Variants in BUB1B observed in about 807,000 individuals in gnomAD.
BUB1B encodes mitotic checkpoint serine/threonine-protein kinase BUB1 beta.
In BUB1B, 86 loss-of-function variants were observed where a neutral mutation model predicts 137.7. The ratio of observed to expected loss-of-function variants is 0.62; its 90% CI spans 0.52 to 0.75. The LOEUF is 0.75. BUB1B is among the 30% of genes least tolerant of loss of function. The pLI is 0.00. For synonymous variants in BUB1B, 420 were observed against 417.9 expected (o/e 1.00, Z -0.06); for missense variants, 1,130 against 1,236.9 (o/e 0.91, Z 1.30).
At chr15:40,163,202 C>G (rs1007934854) in intron 1 of BUB1B, among the ~76,000 whole-genome samples, 1 of 152,174 alleles carries the variant, frequency 6.6e-6, no homozygotes, top group African/African-American at 2.4e-5. Flanking sequence ...GAGATGGGCT[C>G]TGGCCACCCT....
At position 40,199,064 on chromosome 15, in the gene BUB1B, G is replaced by T. The variant is rs186085254; in HGVS notation, c.1289-551G>T. ...CACAGTGGTCTTTTCCTGCATTGGG[G>T]CCTTTGTGCCACCTAGTTTGTTAGC... is the stretch of plus-strand genomic sequence containing the variant. On this transcript the variant is annotated intron_variant, in intron 9 of 22. Coordinates refer to ENST00000287598, the MANE Select transcript of BUB1B (RefSeq NM_001211.6). Among the ~76,000 whole-genome samples, 5 of 152,258 alleles carry T rather than the reference G, an allele frequency of 3.3e-5. No homozygotes were observed. The East Asian group carries it at 9.6e-4, about 29-fold the overall frequency.
intron 20 of BUB1B, among the ~76,000 whole-genome samples, chr15:40,214,495 C>T (rs541589736): frequency 6.6e-6 from 1 of 152,276 alleles, no homozygotes; most frequent in Non-Finnish European, 1.5e-5. Context: ...AACCCTGTGT[C>T]TTGGGTGAGG....
In BUB1B at chr15:40,221,088, A is replaced by T. The variant is rs1415251816; in HGVS notation, c.*329A>T. The T allele has an allele frequency of 5.6e-6, 2 of 358,420 alleles. No individual in the cohort carries two copies. Among genetic ancestry groups the T allele is most frequent in the Non-Finnish European group, 1.0e-5 (2 of 194,008 alleles). 22.2% of individuals were successfully genotyped at this position (358,420 alleles called of 1,614,324 possible). A position where few individuals can be genotyped will look rare whatever the true frequency, so the allele number is the denominator to read the frequency against. On this transcript the variant is annotated 3_prime_UTR_variant, in exon 23 of 23. Coordinates refer to ENST00000287598, the MANE Select transcript of BUB1B (RefSeq NM_001211.6). ...TGTAAAATGTTCTCTTATGATCACC[A>T]TGTATTTTGTAAATAATAAAATAGT... is the stretch of plus-strand genomic sequence containing the variant.
intron 22 of BUB1B, among the ~76,000 whole-genome samples, chr15:40,219,453 G>A (rs1381134785): frequency 6.6e-6 from 1 of 151,880 alleles, no homozygotes; most frequent in Non-Finnish European, 1.5e-5. Context: ...CGGGCATGGT[G>A]GCTCACACCT....
chr15:40,217,772 T>C, intron 21 of BUB1B, 105 bp downstream of exon 21: 1 of 1,326,890 alleles, frequency 7.5e-7, no homozygotes, highest in Non-Finnish European at 1.1e-6. Flanking sequence ...ACTCCTAGAA[T>C]AGATGACCTA....
In BUB1B at chr15:40,208,041, G is replaced by A. The variant is rs181036011; in HGVS notation, c.2010-596G>A. Among the ~76,000 whole-genome samples the A allele has an allele frequency of 1.1e-3, 160 of 150,614 alleles. 1 individual carries two copies. The highest frequency in any genetic ancestry group is 0.01 in the Admixed American group (152 of 15,194). On this transcript the variant is annotated intron_variant, in intron 15 of 22. Transcript: ENST00000287598. The stretch of plus-strand genomic sequence containing the variant: ...AGGCTGAGGTGGGAGGATCACTTGA[G>A]CCCAGGAAATCAAGGCTGCAGTGAG...
rs777814938 is a variant in BUB1B, at chr15:40,200,293, C to G, written c.1451C>G (p.Ser484Cys). The G allele has an allele frequency of 5.0e-6, 8 of 1,613,792 alleles. No individual in the cohort carries two copies. The highest frequency in any genetic ancestry group is 3.3e-5 in the Admixed American group (2 of 59,984). Residue 484 changes from serine to cysteine, a missense_variant, in exon 11 of 23, where the codon TCC becomes TGC. Physicochemically the swap from Ser to Cys is moderately radical, Grantham distance 112. Coordinates refer to ENST00000287598, the MANE Select transcript of BUB1B (RefSeq NM_001211.6). The stretch of plus-strand genomic sequence containing the variant: ...GAGACAACTAAACTGCAAATTGCTT[C>G]CGAGTCTCAGAAAATACCAGGAATG... The part of the protein sequence containing the change: ...TKETTKLQIA[S>C]ESQKIPGMTL...
In BUB1B at chr15:40,196,748, G is replaced by T; in HGVS notation, c.1262G>T (p.Arg421Leu). Residue 421 changes from arginine (R) to leucine (L), a missense_variant, in exon 9 of 23, where the codon CGG becomes CTG. Arg to Leu is a moderately radical substitution (Grantham distance 102). Coordinates refer to ENST00000287598, the MANE Select transcript of BUB1B (RefSeq NM_001211.6). ...GAAGAAATTCGGGCTGAAGTTTTCC[G>T]GAAGAAATTAAAAGAGCAAAGGGAA... ...SFEEIRAEVF[R>L]KKLKEQREAE... 6.2e-7 allele frequency: 1 copy of T among 1,613,918 alleles called. No individual in the cohort carries two copies.
At chr15:40,165,310 A>G (rs1396200906) in intron 2 of BUB1B, 114 bp downstream of exon 2, 18 of 1,400,226 alleles carry the variant, frequency 1.3e-5, no homozygotes, top group Non-Finnish European at 1.6e-5. Context: ...AATTGGTAGT[A>G]TGAGAATCTG....
chr15:40,201,114 CA>C, intron 12 of BUB1B, 134 bp downstream of exon 12: 1 of 754,464 alleles, frequency 1.3e-6, no homozygotes, highest in East Asian at 2.8e-5. Flanking sequence ...TTAGTATAAG[CA>C]TATGCTTTAT....
intron 8 of BUB1B, among the ~76,000 whole-genome samples, chr15:40,187,655 T>C (rs913154280): frequency 1.3e-5 from 2 of 152,082 alleles, no homozygotes; most frequent in Admixed American, 1.3e-4. Flanking sequence ...ATGCCTGTAA[T>C]TTCAGCACTT....
intron 8 of BUB1B, among the ~76,000 whole-genome samples, chr15:40,185,946 C>CA (rs1555381926): frequency 6.6e-6 from 1 of 151,836 alleles, no homozygotes; most frequent in African/African-American, 2.4e-5. Context: ...GTTAAAAGAC[C>CA]ATTTGTTAAT....
Position 40,199,745 on chromosome 15 carries a change from A to T in BUB1B, c.1401+18A>T. 6.4e-7 allele frequency: 1 copy of T among 1,559,880 alleles called. No individual in the cohort carries two copies. Among genetic ancestry groups the T allele is most frequent in the African/African-American group, 1.4e-5 (1 of 73,862 alleles). On this transcript the variant is annotated intron_variant, in intron 10 of 22. Coordinates refer to ENST00000287598, the MANE Select transcript of BUB1B (RefSeq NM_001211.6). ...GTGATCAGGTAATTTTTCTTTTTTC[A>T]TACACAAAACTAGAATTTATTGAAA...
At chr15:40,208,587 G>A (rs559870917) in intron 15 of BUB1B, 50 bp from the exon 16 acceptor site, 258 of 1,509,130 alleles carry the variant, frequency 1.7e-4, no homozygotes, top group Non-Finnish European at 2.2e-4. Flanking sequence ...TTATAACAAA[G>A]TTGATATATA....
intron 9 of BUB1B, among the ~76,000 whole-genome samples, 164 bp from the exon 10 acceptor site, chr15:40,199,451 A>G (rs1033307175): frequency 3.3e-5 from 5 of 152,226 alleles, no homozygotes; most frequent in Non-Finnish European, 5.9e-5. Flanking sequence ...TATTGAATGG[A>G]TAAAGAATAG....
rs1054593438 is a variant in BUB1B at position 40,214,703 on chromosome 15, T to C, written c.2678+1229T>C. On this transcript the variant is annotated intron_variant, in intron 20 of 22. Coordinates refer to ENST00000287598, the MANE Select transcript of BUB1B (RefSeq NM_001211.6). ...GAGAATCCCACCTTCTCCCCTGAGATAGCAGAGTCAAAGGCTTTCCCAGAC... is the reference window on the plus strand; with the variant it reads ...GAGAATCCCACCTTCTCCCCTGAGACAGCAGAGTCAAAGGCTTTCCCAGAC... 8.5e-5 allele frequency among the ~76,000 whole-genome samples: 13 copies of C among 152,224 alleles called. No homozygotes were observed. In the East Asian group the frequency reaches 2.3e-3, roughly 27 times the overall value.
chr15:40,200,028 A>G, intron 10 of BUB1B: 2 of 599,242 alleles, frequency 3.3e-6, no homozygotes, highest in East Asian at 2.9e-5. Context: ...GGGATTGCCT[A>G]AAGAAATTTA....
At position 40,185,257 on chromosome 15, in the gene BUB1B, G is replaced by C. The variant is rs769897552; in HGVS notation, c.844G>C (p.Ala282Pro). The C allele has an allele frequency of 6.2e-7, 1 of 1,614,092 alleles. No individual in the cohort carries two copies. Among genetic ancestry groups the C allele is most frequent in the Non-Finnish European group, 8.5e-7 (1 of 1,179,996 alleles). ...TGTTTTTGATGAAAATGCTGATGAG[G>C]CTTCTACAGCAGAGTTGTCTAAGCC... is the stretch of plus-strand genomic sequence containing the variant. ...ITVFDENADEASTAELSKPTV... is the reference protein window; with the variant it reads ...ITVFDENADEPSTAELSKPTV... Residue 282 changes from alanine to proline, a missense_variant, in exon 7 of 23, where the codon GCT becomes CCT. Transcript: ENST00000287598.
At chr15:40,185,842 C>T (rs572138175) in intron 8 of BUB1B, among the ~76,000 whole-genome samples, 200 bp downstream of exon 8, 11 of 152,010 alleles carry the variant, frequency 7.2e-5, no homozygotes, top group Non-Finnish European at 1.3e-4. Context: ...GCCTGGGCAG[C>T]CTAGTGAGAC....
Sources: gnomAD v4.1 joint callset for allele counts (sites outside exome capture counted in the v4.1 genomes callset) on GRCh38, gnomAD v4.1.1 for gene constraint, MANE v1.5 for transcripts, NCBI Gene and HGNC (gene_info 2026-07-23, HGNC 2026-07-21) for gene names.